Variants in PARVB observed in about 807,000 individuals in gnomAD.
The protein encoded by PARVB is parvin beta, also known as beta-parvin.
A neutral mutation model predicts 47.0 loss-of-function variants in PARVB; 46 were observed. The observed-to-expected ratio is 0.98, with a 90% CI of 0.77 to 1.25. The LOEUF (loss-of-function observed/expected upper bound fraction) is 1.25, where lower values mean the gene tolerates loss of function less well. Among genes scored for constraint, PARVB ranks in the 50% most tolerant of loss-of-function variants. The pLI is 0.00. For missense variants in PARVB, 473 were observed against 471.6 expected, an observed-to-expected ratio of 1.00 and a Z score of -0.03; for synonymous variants, 196 against 196.3, an observed-to-expected ratio of 1.00 and a Z score of 0.01.
chr22:44,147,597 T>C, intron 8 of PARVB: 1 of 653,034 alleles, frequency 1.5e-6, no homozygotes, highest in African/African-American at 1.8e-5. Flanking sequence ...TATGAGAAGG[T>C]AAAAAGCAGG....
chr22:44,064,238 C>T (rs2051475543), intron 1 of PARVB, among the ~76,000 whole-genome samples: 1 of 152,372 alleles, frequency 6.6e-6, no homozygotes, highest in African/African-American at 2.4e-5. Flanking sequence ...TATAGTCACG[C>T]CGAAACCCAG....
intron 1 of PARVB, among the ~76,000 whole-genome samples, chr22:44,069,718 G>A (rs983538815): frequency 4.6e-5 from 7 of 151,986 alleles, no homozygotes; most frequent in East Asian, 3.9e-4. Flanking sequence ...TAGTAGAGAC[G>A]GGGTTTCATC....
intron 3 of PARVB, among the ~76,000 whole-genome samples, chr22:44,102,423 G>T (rs2052470540): frequency 6.6e-6 from 1 of 152,156 alleles, no homozygotes; most frequent in African/African-American, 2.4e-5. Flanking sequence ...CCTTTCTAAA[G>T]ATTTTTTTCT....
chr22:44,084,790 C>T (rs1400896264), intron 1 of PARVB, among the ~76,000 whole-genome samples: 5 of 152,252 alleles, frequency 3.3e-5, no homozygotes, highest in African/African-American at 9.6e-5. Flanking sequence ...TTCTGGGTCT[C>T]AGAGCCATTT....
chr22:44,122,301 G>T (rs1321238488), intron 4 of PARVB, among the ~76,000 whole-genome samples: 1 of 151,950 alleles, frequency 6.6e-6, no homozygotes, highest in African/African-American at 2.4e-5. Context: ...GACCAGCCTG[G>T]GCAACATAGT....
intron 7 of PARVB, among the ~76,000 whole-genome samples, chr22:44,137,770 AG>A (rs2053469032): frequency 6.6e-6 from 1 of 152,072 alleles, no homozygotes. Flanking sequence ...GGGTGCTCTC[AG>A]GGTCCTGAGA....
chr22:44,142,099 C>T (rs752282906), intron 8 of PARVB: 14 of 152,044 alleles, frequency 9.2e-5, no homozygotes, highest in East Asian at 3.9e-4. Flanking sequence ...AGGAGAGGGC[C>T]GGGCGCGGTG....
At chr22:44,130,016 T>G (rs780802156) in intron 4 of PARVB, among the ~76,000 whole-genome samples, 1 of 152,168 alleles carries the variant, frequency 6.6e-6, no homozygotes, top group African/African-American at 2.4e-5. Context: ...TGTTTTCTAA[T>G]TGAGGGAGGG....
At chr22:44,009,188 G>A (rs1463882464) in intron 2 of PARVB, among the ~76,000 whole-genome samples, 1 of 152,142 alleles carries the variant, frequency 6.6e-6, no homozygotes, top group Non-Finnish European at 1.5e-5. Context: ...TGATTTAAGA[G>A]GATAATTTGC....
intron 9 of PARVB, chr22:44,148,130 T>C (rs1266158490): frequency 8.5e-6 from 5 of 588,830 alleles, no homozygotes; most frequent in Non-Finnish European, 1.5e-5. Flanking sequence ...CCTGGGTGTC[T>C]TCCTGCCCGC....
intron 11 of PARVB, 49 bp from the exon 12 acceptor site, chr22:44,163,808 TG>T (rs778226360): frequency 6.8e-6 from 10 of 1,468,030 alleles, no homozygotes; most frequent in Non-Finnish European, 9.4e-6. Context: ...GGGCCGTGTG[TG>T]GGAACGACTG....
chr22:44,053,473 G>T (rs1182455660), intron 1 of PARVB, among the ~76,000 whole-genome samples: 2 of 152,192 alleles, frequency 1.3e-5, no homozygotes, highest in Non-Finnish European at 2.9e-5. Flanking sequence ...CCCTGAATGG[G>T]TGTTAGGGCA....
chr22:44,146,331 T>TCACATGCACA (rs5845637), intron 8 of PARVB: 21,701 of 145,564 alleles, frequency 0.15, 2,339 homozygotes, highest in African/African-American at 0.3. Context: ...ACACATGTGC[T>TCACATGCACA]CACGTGCACA....
chr22:44,136,521 A>G lies in PARVB; in HGVS notation c.692+3A>G, dbSNP rs763001199. On this transcript the variant is annotated splice_donor_region_variant and intron_variant, in intron 7 of 12. Coordinates refer to ENST00000338758, the MANE Select transcript of PARVB (RefSeq NM_013327.5). ...GAGGAGCTGACCACAACTACAGAGT[A>G]AGTGGACCCCTGTCTTGCCCTTCCA... 4.3e-6 allele frequency: 7 copies of G among 1,613,264 alleles called. No individual in the cohort carries two copies. Among genetic ancestry groups the G allele is most frequent in the Non-Finnish European group, 5.1e-6 (6 of 1,179,242 alleles).
intron 4 of PARVB, among the ~76,000 whole-genome samples, chr22:44,124,953 G>A (rs948486223): frequency 6.6e-6 from 1 of 152,096 alleles, no homozygotes; most frequent in Non-Finnish European, 1.5e-5. Context: ...AAAACACAGG[G>A]GTGCAGCATC....
chr22:44,023,534 AAAC>A (rs1330016426), upstream of PARVB, among the ~76,000 whole-genome samples: 5 of 97,382 alleles, frequency 5.1e-5, no homozygotes, highest in Admixed American at 5.1e-4. Flanking sequence ...AAATAAAACA[AAAC>A]AAAATAAAAT....
At chr22:44,069,300 G>A in intron 1 of PARVB, 1 of 777,690 alleles carries the variant, frequency 1.3e-6, no homozygotes, top group South Asian at 1.5e-5. Flanking sequence ...CCAGGAAGGT[G>A]ATGGGGACGT....
In PARVB at chr22:44,128,099, G is replaced by T. The variant is rs556323896; in HGVS notation, c.377-3388G>T. On this transcript the variant is annotated intron_variant, in intron 4 of 12. Coordinates refer to ENST00000338758, the MANE Select transcript of PARVB (RefSeq NM_013327.5). Reference sequence around the variant, plus strand: ...CACCCAGCCGAATCCCTCTTCTTGAGAGAAGATTCTGGAAGCAGCTGCCGG... The same window carrying T: ...CACCCAGCCGAATCCCTCTTCTTGATAGAAGATTCTGGAAGCAGCTGCCGG... 8.5e-5 allele frequency among the ~76,000 whole-genome samples: 13 copies of T among 152,306 alleles called. 1 individual carries two copies. The highest frequency in any genetic ancestry group is 5.9e-4 in the Admixed American group (9 of 15,302).
chr22:44,025,847 AGCCTGT>A (rs2050719481), intron 1 of PARVB, among the ~76,000 whole-genome samples: 1 of 152,222 alleles, frequency 6.6e-6, no homozygotes, highest in African/African-American at 2.4e-5. Context: ...TTCAGCCCAC[AGCCTGT>A]GGAGCGCCCG....
Sources: allele counts gnomAD v4.1 joint callset (sites outside exome capture counted in the v4.1 genomes callset), GRCh38; gene constraint gnomAD v4.1.1; transcripts MANE v1.5; gene names NCBI Gene and HGNC (gene_info 2026-07-23, HGNC 2026-07-21).